Variants in CAPN1 observed in about 807,000 individuals in gnomAD.
CAPN1 encodes the protein calpain 1, also known as calpain-1 catalytic subunit.
Under a neutral mutation model 105.2 loss-of-function variants are expected in CAPN1, and 77 were observed. The ratio of observed to expected loss-of-function variants is 0.73; its 90% CI spans 0.61 to 0.88. The LOEUF (loss-of-function observed/expected upper bound fraction) is 0.88, where lower values mean the gene tolerates loss of function less well. CAPN1 is among the 40% of genes least tolerant of loss of function. The pLI, the probability that CAPN1 is intolerant of heterozygous loss-of-function variation, is 0.00. For missense variants in CAPN1, 833 were observed against 976.6 expected, an observed-to-expected ratio of 0.85 and a Z score of 1.96; for synonymous variants, 355 against 388.8, an observed-to-expected ratio of 0.91 and a Z score of 1.02.
chr11:65,185,845 A>G (rs911571711), intron 4 of CAPN1, 72 bp from the exon 5 acceptor site: 53 of 1,471,968 alleles, frequency 3.6e-5, no homozygotes, highest in Non-Finnish European at 3.8e-5. Context: ...GCATCTAGGA[A>G]GGTAGGGGTA....
At chr11:65,201,393 C>A (rs149618074) in intron 10 of CAPN1, among the ~76,000 whole-genome samples, 1 of 152,150 alleles carries the variant, frequency 6.6e-6, no homozygotes, top group African/African-American at 2.4e-5. Flanking sequence ...TGGTGCAGGA[C>A]GCTTTTAAGA....
chr11:65,194,528 C>T (rs987111328), intron 10 of CAPN1, among the ~76,000 whole-genome samples: 11 of 152,160 alleles, frequency 7.2e-5, no homozygotes, highest in African/African-American at 2.7e-4. Context: ...TTGCCGTTAT[C>T]CAGAGCATTT....
intron 12 of CAPN1, 108 bp from the exon 13 acceptor site, chr11:65,206,355 T>C (rs1427296688): frequency 4.8e-6 from 4 of 834,128 alleles, no homozygotes; most frequent in Non-Finnish European, 7.9e-6. Flanking sequence ...GCCCCAGCTC[T>C]CCAGCCCCTT....
At position 65,182,722 on chromosome 11, in the gene CAPN1, G is replaced by C. The variant is rs754042964; in HGVS notation, c.21G>C (p.Thr7=). The C allele has an allele frequency of 1.3e-6, 2 of 1,576,170 alleles. No homozygotes were observed. The highest frequency in any genetic ancestry group is 1.7e-6 in the Non-Finnish European group (2 of 1,160,850). MSEEII[T]PVYCTGVSAQ... is the part of the protein sequence containing the mutation. Reference sequence around the variant, plus strand: ...GCAGGATGTCGGAGGAGATCATCACGCCGGTGTACTGCACTGGGGTGTCAG... The same window carrying C: ...GCAGGATGTCGGAGGAGATCATCACCCCGGTGTACTGCACTGGGGTGTCAG... Residue 7 remains threonine, a synonymous_variant, in exon 2 of 22, where the codon ACG becomes ACC. Coordinates refer to ENST00000279247, the MANE Select transcript of CAPN1 (RefSeq NM_005186.4).
In CAPN1 at chr11:65,211,670, A is replaced by C; in HGVS notation, c.*384A>C. On this transcript the variant is annotated 3_prime_UTR_variant, in exon 22 of 22. Coordinates refer to ENST00000279247, the MANE Select transcript of CAPN1 (RefSeq NM_005186.4). ...TGGCCTTGCCTGCAGACTATAAACT[A>C]TAACCACTAGCTCGACACAGTCTGC... The C allele has an allele frequency of 6.9e-6, 2 of 287,936 alleles. No homozygotes were observed. The highest frequency in any genetic ancestry group is 1.4e-5 in the Non-Finnish European group (2 of 146,654). 17.8% of individuals were successfully genotyped at this position (287,936 alleles called of 1,614,324 possible). A position where few individuals can be genotyped will look rare whatever the true frequency, so the allele number is the denominator to read the frequency against.
At chr11:65,181,646 C>A (rs751473451), upstream of CAPN1, 3 of 373,320 alleles carry the variant, frequency 8.0e-6, no homozygotes, top group Admixed American at 6.1e-5. This position sits in a 1 kb window ranked among gnomAD's most constrained non-coding sequence, Gnocchi z 4.6. Flanking sequence ...CCGTTCCCCG[C>A]GGTGCCCTTC....
Position 65,183,191 on chromosome 11 carries a change from G to T in CAPN1, c.331G>T (p.Ala111Ser), listed in dbSNP as rs1188165139. The change falls in exon 3 of 22, where the codon GCA becomes TCA. Residue 111 changes from alanine (A) to serine (S), a missense_variant. Physicochemically the swap from Ala to Ser is moderately conservative, Grantham distance 99. Coordinates refer to ENST00000279247, the MANE Select transcript of CAPN1 (RefSeq NM_005186.4). ...TACCCGCACAGACATCTGCCAGGGAGCACTGGGTAGGCCCCCAGGGCGTCG... is the reference window on the plus strand; with the variant it reads ...TACCCGCACAGACATCTGCCAGGGATCACTGGGTAGGCCCCCAGGGCGTCG... ...GATRTDICQG[A>S]LGDCWLLAAI... 2 of 1,613,812 alleles carry T rather than the reference G, an allele frequency of 1.2e-6. No individual in the cohort carries two copies. Among genetic ancestry groups the T allele is most frequent in the Non-Finnish European group, 1.7e-6 (2 of 1,179,816 alleles).
Position 65,197,992 on chromosome 11 carries a change from A to T in CAPN1, c.1166-6691A>T, listed in dbSNP as rs114059433. Among the ~76,000 whole-genome samples, 1,019 of 150,868 alleles carry T rather than the reference A, an allele frequency of 6.8e-3. 14 individuals carry two copies. The highest frequency in any genetic ancestry group is 0.024 in the African/African-American group (978 of 41,184). Reference sequence around the variant, plus strand: ...ATTAATGCTGTATTTATTTCAGCTGACTTACTGTGTTTACTTATTTTCTGC... The same window carrying T: ...ATTAATGCTGTATTTATTTCAGCTGTCTTACTGTGTTTACTTATTTTCTGC... On this transcript the variant is annotated intron_variant, in intron 10 of 21. Transcript: ENST00000279247.
intron 7 of CAPN1, 164 bp from the exon 8 acceptor site, chr11:65,187,791 G>T (rs146883630): frequency 8.9e-6 from 5 of 559,852 alleles, no homozygotes; most frequent in Non-Finnish European, 1.3e-5. Flanking sequence ...GGAGGCTGAG[G>T]CAAGAGAATT....
chr11:65,204,468 G>C (rs1948919830), intron 10 of CAPN1, among the ~76,000 whole-genome samples: 5 of 152,202 alleles, frequency 3.3e-5, no homozygotes, highest in Admixed American at 1.3e-4. Context: ...TAACCTAACG[G>C]ACTTGCTCAG....
Position 65,209,203 on chromosome 11 carries a change from G to A in CAPN1, c.1730-120G>A. ...ACAATCCTGCCCACTTCCTCTGCCAGATATTGCACCCACTCGTCAGGATTT... is the reference window on the plus strand; with the variant it reads ...ACAATCCTGCCCACTTCCTCTGCCAAATATTGCACCCACTCGTCAGGATTT... On this transcript the variant is annotated intron_variant, in intron 16 of 21. Coordinates refer to ENST00000279247, the MANE Select transcript of CAPN1 (RefSeq NM_005186.4). This position sits in a 1 kb window ranked among gnomAD's most constrained non-coding sequence, Gnocchi z 4.1. 1.4e-6 allele frequency: 1 copy of A among 726,524 alleles called. No homozygotes were observed. Among genetic ancestry groups the A allele is most frequent in the East Asian group, 2.7e-5 (1 of 36,940 alleles). The allele number at this position is 726,524 out of a possible 1,614,324, so 45.0% of individuals were successfully genotyped here. A position where few individuals can be genotyped will look rare whatever the true frequency, so the allele number is the denominator to read the frequency against.
At position 65,205,927 on chromosome 11, in the gene CAPN1, G is replaced by C. The variant is rs568642904; in HGVS notation, c.1353+206G>C. On this transcript the variant is annotated intron_variant, in intron 12 of 21. Coordinates refer to ENST00000279247, the MANE Select transcript of CAPN1 (RefSeq NM_005186.4). ...GCACAGGTAGTCAGTGAGGGAGCTG[G>C]ATTTGAGCCCTGGTCCTCAGAGCCC... 6.6e-5 allele frequency: 39 copies of C among 589,808 alleles called. 3 individuals carry two copies. In the South Asian group the frequency reaches 7.8e-4, roughly 12 times the overall value. The allele number at this position is 589,808 out of a possible 1,614,324, so 36.5% of individuals were successfully genotyped here.
In CAPN1 at chr11:65,183,281, T is replaced by A. The variant is rs1166416056; in HGVS notation, c.337+84T>A. ...CTCCTTCAGGCTCTGCCCCAACCCC[T>A]CCCTCTTGCAAGCCCAGGCAGGATC... On this transcript the variant is annotated intron_variant, in intron 3 of 21. Coordinates refer to ENST00000279247, the MANE Select transcript of CAPN1 (RefSeq NM_005186.4). 17 of 1,351,736 alleles carry A rather than the reference T, an allele frequency of 1.3e-5. 1 individual carries two copies. In the East Asian group the frequency reaches 3.0e-4, roughly 24 times the overall value. 83.7% of individuals were successfully genotyped at this position (1,351,736 alleles called of 1,614,324 possible).
rs1039393782 is a variant in CAPN1 at position 65,188,327 on chromosome 11, G to A, written c.930-87G>A. 2.4e-6 allele frequency: 3 copies of A among 1,246,714 alleles called. No homozygotes were observed. The highest frequency in any genetic ancestry group is 3.4e-6 in the Non-Finnish European group (3 of 879,552). The allele number at this position is 1,246,714 out of a possible 1,614,324, so 77.2% of individuals were successfully genotyped here. A position where few individuals can be genotyped will look rare whatever the true frequency, so the allele number is the denominator to read the frequency against. ...GGAGGCCACCTGGGCTGGGCCGGGG[G>A]AAGACAGGCCAGGGTAGACAGGCCC... On this transcript the variant is annotated intron_variant, in intron 8 of 21. Coordinates refer to ENST00000279247, the MANE Select transcript of CAPN1 (RefSeq NM_005186.4). The surrounding 1 kb of genome is among the most constrained non-coding windows in gnomAD (Gnocchi z 5.5).
rs189547999 is a variant in CAPN1 at position 65,207,488 on chromosome 11, C to G, written c.1606-567C>G. ...GTGCTAGGATTACAGGTGTGAGCCA[C>G]CGCACCTGGCCCAAACTCTTGCCTT... On this transcript the variant is annotated intron_variant, in intron 14 of 21. Coordinates refer to ENST00000279247, the MANE Select transcript of CAPN1 (RefSeq NM_005186.4). Among the ~76,000 whole-genome samples the G allele has an allele frequency of 9.0e-4, 136 of 151,726 alleles. 2 individuals are homozygous for G. The highest frequency in any genetic ancestry group is 1.4e-3 in the Non-Finnish European group (95 of 67,916).
rs1431193955 is a variant in CAPN1, at chr11:65,206,591, T to A, written c.1482T>A (p.Tyr494Ter). The change falls in exon 13 of 22, where the codon TAT becomes TAA. Residue 494 changes from tyrosine to a stop codon, truncating the protein, a stop_gained. Transcript: ENST00000279247. LOFTEE classifies it high-confidence loss of function. The stretch of plus-strand genomic sequence containing the variant: ...GCTTCCGCCTGCCACCCGGGGAGTA[T>A]GTGGTGGTGCCCTCCACCTTCGAGC... ...STRFRLPPGE[Y>*]VVVPSTFEPN... is the part of the protein sequence containing the mutation. The A allele has an allele frequency of 1.2e-6, 2 of 1,613,460 alleles. No homozygotes were observed. The highest frequency in any genetic ancestry group is 8.5e-7 in the Non-Finnish European group (1 of 1,179,868).
rs1358242432 is a variant in CAPN1, at chr11:65,210,452, C to T, written c.2059C>T (p.Arg687Ter). 1.9e-6 allele frequency: 3 copies of T among 1,593,032 alleles called. No individual in the cohort carries two copies. The highest frequency in any genetic ancestry group is 1.3e-5 in the African/African-American group (1 of 74,470). ...CCTGGTGCGGCTAGAGACCATGTTC[C>T]GTGAGTGTCCCCAACTGCCTCCCAC... ...CCLVRLETMF[R>*]FFKTLDTDLD... Residue 687 changes from arginine (R) to a stop codon, truncating the protein, a stop_gained and splice_region_variant, in exon 20 of 22, where the codon CGA becomes TGA. Coordinates refer to ENST00000279247, the MANE Select transcript of CAPN1 (RefSeq NM_005186.4). LOFTEE classifies it high-confidence loss of function. This position sits in a 1 kb window ranked among gnomAD's most constrained non-coding sequence, Gnocchi z 4.3.
intron 5 of CAPN1, 39 bp from the exon 6 acceptor site, chr11:65,186,131 C>T (rs774718082): frequency 1.2e-6 from 2 of 1,608,568 alleles, no homozygotes; most frequent in Non-Finnish European, 1.7e-6. Flanking sequence ...TCAGAGGGTC[C>T]TGCTTGATGC....
intron 10 of CAPN1, among the ~76,000 whole-genome samples, chr11:65,189,222 T>C (rs981325144): frequency 1.3e-5 from 2 of 152,190 alleles, no homozygotes; most frequent in Non-Finnish European, 2.9e-5. Flanking sequence ...GGTTTCTCCA[T>C]GTTGGCCAGG....
Sources: gnomAD v4.1 joint callset for allele counts (sites outside exome capture counted in the v4.1 genomes callset) on GRCh38, gnomAD v4.1.1 for gene constraint, Gnocchi (gnomAD v3.1) non-coding constraint, MANE v1.5 for transcripts, NCBI Gene and HGNC (gene_info 2026-07-23, HGNC 2026-07-21) for gene names.